The following RYR3 variants were observed in gnomAD, a reference collection of about 807,000 sequenced individuals.
RYR3 encodes brain ryanodine receptor-calcium release channel.
RYR3 carries 207 observed loss-of-function variants against 584.3 expected under a neutral mutation model. That is an observed-to-expected ratio of 0.35 (90% CI 0.32 to 0.40). RYR3 has a LOEUF of 0.40. RYR3 is among the 10% of genes least tolerant of loss of function. The pLI is 1.00. For synonymous variants in RYR3, 2,416 were observed against 2,248.5 expected (o/e 1.07, Z -2.11); for missense variants, 5,616 against 6,089.2 (o/e 0.92, Z 2.59).
Position 33,757,533 on chromosome 15 carries a change from C to T in RYR3, c.8642C>T (p.Ser2881Phe), listed in dbSNP as rs1342260343. ...FTSHCLYFLS[S>F]PLKPLSSSGY... ...AGTCATTGCCTCTACTTCTTGTCATCCCCTCTGAAGCCCCTTAGCAGCAGC... is the reference window on the plus strand; with the variant it reads ...AGTCATTGCCTCTACTTCTTGTCATTCCCTCTGAAGCCCCTTAGCAGCAGC... The change falls in exon 60 of 104, where the codon TCC (serine) becomes TTC (phenylalanine). Residue 2881 changes from serine to phenylalanine, a missense_variant. Ser to Phe is a radical substitution (Grantham distance 155). Transcript: ENST00000634891. 6.2e-7 allele frequency: 1 copy of T among 1,611,234 alleles called. No homozygotes were observed. Among genetic ancestry groups the T allele is most frequent in the African/African-American group, 1.3e-5 (1 of 74,990 alleles).
At chr15:33,527,737 T>C (rs2054512609) in intron 3 of RYR3, among the ~76,000 whole-genome samples, 1 of 152,254 alleles carries the variant, frequency 6.6e-6, no homozygotes, top group Non-Finnish European at 1.5e-5. Context: ...TGGGAAGCCA[T>C]TGTGGGTTTT....
At chr15:33,600,380 T>C (rs1005167106) in intron 16 of RYR3, among the ~76,000 whole-genome samples, 1 of 152,086 alleles carries the variant, frequency 6.6e-6, no homozygotes, top group South Asian at 2.1e-4. Context: ...GTGGCTGTTA[T>C]TTGTCGACTG....
At chr15:33,336,998 C>T (rs1055527845) in intron 1 of RYR3, among the ~76,000 whole-genome samples, 1 of 126,760 alleles carries the variant, frequency 7.9e-6, no homozygotes, top group African/African-American at 3.0e-5. Context: ...GTGGAGCTTG[C>T]ATGAGCCGAG....
chr15:33,345,078 G>A (rs1443370075), intron 1 of RYR3, among the ~76,000 whole-genome samples: 1 of 152,058 alleles, frequency 6.6e-6, no homozygotes, highest in Non-Finnish European at 1.5e-5. Flanking sequence ...CTAGTCCACT[G>A]CTTTTTTTCT....
At chr15:33,729,410 G>T (rs2068749250) in intron 47 of RYR3, among the ~76,000 whole-genome samples, 1 of 152,000 alleles carries the variant, frequency 6.6e-6, no homozygotes, top group Non-Finnish European at 1.5e-5. Context: ...GTCCCCTCGG[G>T]GACAAAATCA....
At chr15:33,349,531 C>A (rs1972926031) in intron 1 of RYR3, among the ~76,000 whole-genome samples, 1 of 151,928 alleles carries the variant, frequency 6.6e-6, no homozygotes, top group Non-Finnish European at 1.5e-5. Context: ...ACGAATGACG[C>A]CAAGCATCTT....
intron 1 of RYR3, among the ~76,000 whole-genome samples, chr15:33,413,955 C>A (rs1233597895): frequency 6.6e-6 from 1 of 152,164 alleles, no homozygotes; most frequent in African/African-American, 2.4e-5. Context: ...CGATGGCAGG[C>A]CATCAAGGAG....
chr15:33,663,090 G>A lies in RYR3; in HGVS notation c.5418+142G>A, dbSNP rs1272280477. 1.6e-5 allele frequency: 12 copies of A among 732,898 alleles called. No individual in the cohort carries two copies. In the Admixed American group the frequency reaches 2.5e-4, roughly 15 times the overall value. 45.4% of individuals were successfully genotyped at this position (732,898 alleles called of 1,614,324 possible). A position where few individuals can be genotyped will look rare whatever the true frequency, so the allele number is the denominator to read the frequency against. ...CTGACCAAGAGTGCTTGATGATTAT[G>A]GTGCTTGTTGTTGAATAAGTTCTAA... On this transcript the variant is annotated intron_variant, in intron 35 of 103. Coordinates refer to ENST00000634891, the MANE Select transcript of RYR3 (RefSeq NM_001036.6).
intron 37 of RYR3, 112 bp downstream of exon 37, chr15:33,669,568 G>T: frequency 1.2e-6 from 1 of 850,326 alleles, no homozygotes. Context: ...ATTTAAAATT[G>T]CAATACTGTC....
chr15:33,662,703 G>C lies in RYR3; in HGVS notation c.5173G>C (p.Val1725Leu). The C allele has an allele frequency of 6.2e-7, 1 of 1,614,180 alleles. No homozygotes were observed. Among genetic ancestry groups the C allele is most frequent in the Non-Finnish European group, 8.5e-7 (1 of 1,180,030 alleles). ...GTCTGTGGAGTTCCAGTTTGTGCCTGTGCTGAAACTCATTGGAACCCTGCT... is the reference window on the plus strand; with the variant it reads ...GTCTGTGGAGTTCCAGTTTGTGCCTCTGCTGAAACTCATTGGAACCCTGCT... The part of the protein sequence containing the change: ...GGSVEFQFVP[V>L]LKLIGTLLVM... The change falls in exon 35 of 104, where the codon GTG (valine) becomes CTG (leucine). Residue 1725 changes from valine to leucine, a missense_variant. By Grantham distance (32) the Val-to-Leu change is conservative. Transcript: ENST00000634891.
chr15:33,785,955 G>T lies in RYR3; in HGVS notation c.9562G>T (p.Glu3188Ter). Residue 3188 changes from glutamate to a stop codon, truncating the protein, a stop_gained, in exon 66 of 104, where the codon GAG becomes TAG. Coordinates refer to ENST00000634891, the MANE Select transcript of RYR3 (RefSeq NM_001036.6). LOFTEE classifies it high-confidence loss of function. ...CATCAACAACAACCTGGGCATCGAT[G>T]AGGCCTCCTGGATGAAGCGCATTGC... ...KIINNNLGID[E>*]ASWMKRIAVY... is the part of the protein sequence containing the mutation. The T allele has an allele frequency of 6.3e-7, 1 of 1,598,982 alleles. No homozygotes were observed. The highest frequency in any genetic ancestry group is 8.5e-7 in the Non-Finnish European group (1 of 1,170,854).
chr15:33,584,322 G>C (rs1261137657), intron 14 of RYR3, 73 bp from the exon 15 acceptor site: 4 of 767,846 alleles, frequency 5.2e-6, no homozygotes, highest in Non-Finnish European at 8.8e-6. Context: ...TGAAATATTC[G>C]ACAGCTTTCC....
chr15:33,387,943 G>C (rs556103631), intron 1 of RYR3, among the ~76,000 whole-genome samples: 11 of 151,370 alleles, frequency 7.3e-5, no homozygotes, highest in Non-Finnish European at 1.3e-4. Flanking sequence ...AGGAAAGAAA[G>C]AGGAGGAAAT....
chr15:33,826,035 A>G (rs1433468343), intron 82 of RYR3, among the ~76,000 whole-genome samples: 1 of 152,104 alleles, frequency 6.6e-6, no homozygotes, highest in Non-Finnish European at 1.5e-5. Context: ...GCACCTGGCC[A>G]TTTAAAATCT....
chr15:33,810,498 A>G lies in RYR3; in HGVS notation c.10046A>G (p.Glu3349Gly). ...TCCTAGTCTGGAGGACAAGACCAGG[A>G]GCGGAAGAAGACAAAGCGGCGGGGA... The part of the protein sequence containing the change: ...MQVKSGGQDQ[E>G]RKKTKRRGDL... Residue 3349 changes from glutamate to glycine, a missense_variant, in exon 71 of 104, where the codon GAG becomes GGG. Physicochemically the swap from Glu to Gly is moderately conservative, Grantham distance 98. Transcript: ENST00000634891. The G allele has an allele frequency of 1.2e-6, 2 of 1,614,040 alleles. No individual in the cohort carries two copies. Among genetic ancestry groups the G allele is most frequent in the South Asian group, 2.2e-5 (2 of 91,088 alleles).
Position 33,837,848 on chromosome 15 carries a change from G to C in RYR3, c.11868G>C (p.Gln3956His). 6 of 1,614,034 alleles carry C rather than the reference G, an allele frequency of 3.7e-6. No individual in the cohort carries two copies. The highest frequency in any genetic ancestry group is 1.3e-5 in the African/African-American group (1 of 75,052). The change falls in exon 89 of 104, where the codon CAG becomes CAC. Residue 3956 changes from glutamine to histidine, a missense_variant. Gln to His is a conservative substitution (Grantham distance 24). Transcript: ENST00000634891. ...TGGAAGGGCAAAAACAGTACACGCA[G>C]TCAGAGATTGACTTTCTCCTGTCGT... ...KAMEGQKQYT[Q>H]SEIDFLLSCA...
At chr15:33,822,717 T>G (rs1205716362) in intron 80 of RYR3, among the ~76,000 whole-genome samples, 1 of 152,242 alleles carries the variant, frequency 6.6e-6, no homozygotes, top group Admixed American at 6.5e-5. Context: ...GCTATTCAGA[T>G]TATAACTCAG....
intron 30 of RYR3, among the ~76,000 whole-genome samples, 158 bp downstream of exon 30, chr15:33,647,618 C>G (rs549878704): frequency 6.6e-6 from 1 of 152,308 alleles, no homozygotes; most frequent in African/African-American, 2.4e-5. Flanking sequence ...ACATCTGTGG[C>G]ATTTCTCAAG....
At position 33,820,775 on chromosome 15, in the gene RYR3, A is replaced by G; in HGVS notation, c.10778A>G (p.Asp3593Gly). 5.6e-6 allele frequency: 9 copies of G among 1,606,102 alleles called. No individual in the cohort carries two copies. Among genetic ancestry groups the G allele is most frequent in the Non-Finnish European group, 7.7e-6 (9 of 1,176,222 alleles). ...ATCCAGAGTTGTCAAAGTGGTGAGG[A>G]TGAAGAAGAAGATGAAGACAAGGAA... ...MMAKSCQSGE[D>G]EEEDEDKEKT... The change falls in exon 78 of 104, where the codon GAT becomes GGT. Residue 3593 changes from aspartate (D) to glycine (G), a missense_variant. Asp to Gly is a moderately conservative substitution (Grantham distance 94). Coordinates refer to ENST00000634891, the MANE Select transcript of RYR3 (RefSeq NM_001036.6).
Sources: allele counts gnomAD v4.1 joint callset (sites outside exome capture counted in the v4.1 genomes callset), GRCh38; gene constraint gnomAD v4.1.1; transcripts MANE v1.5; gene names NCBI Gene and HGNC (gene_info 2026-07-23, HGNC 2026-07-21).